The following KCNIP4 variants were observed in gnomAD, a reference collection of about 807,000 sequenced individuals.
The protein encoded by KCNIP4 is Kv channel-interacting protein 4.
Under a neutral mutation model 34.0 loss-of-function variants are expected in KCNIP4, and 12 were observed. That is an observed-to-expected ratio of 0.35 (90% CI 0.23 to 0.57). The LOEUF (loss-of-function observed/expected upper bound fraction) is 0.57. Among genes scored for constraint, KCNIP4 ranks in the 20% least tolerant of loss-of-function variants. KCNIP4 has a pLI of 0.83. For missense variants in KCNIP4, 238 were observed against 311.7 expected, an observed-to-expected ratio of 0.76 and a Z score of 1.78; for synonymous variants, 124 against 102.2, an observed-to-expected ratio of 1.21 and a Z score of -1.29.
chr4:20,878,626 T>A (rs1325309128), intron 2 of KCNIP4, among the ~76,000 whole-genome samples: 1 of 152,214 alleles, frequency 6.6e-6, no homozygotes, highest in Non-Finnish European at 1.5e-5. Context: ...GAGTGTCTAG[T>A]ATCATGCCTG....
At position 21,542,729 on chromosome 4, in the gene KCNIP4, C is replaced by G. The variant is rs1037876961; in HGVS notation, c.61+405842G>C. Among the ~76,000 whole-genome samples, 6 of 150,108 alleles carry G rather than the reference C, an allele frequency of 4.0e-5. No homozygotes were observed. In the East Asian group the frequency reaches 9.7e-4, roughly 24 times the overall value. ...ATATATATAAATATATGGAACACAC[C>G]AAAAGAAACAATCATTAGTACAAGA... On this transcript the variant is annotated intron_variant, in intron 1 of 8. Coordinates refer to ENST00000382152, the MANE Select transcript of KCNIP4 (RefSeq NM_025221.6).
intron 1 of KCNIP4, among the ~76,000 whole-genome samples, chr4:20,955,369 C>A (rs960433041): frequency 1.3e-5 from 2 of 152,154 alleles, no homozygotes; most frequent in African/African-American, 2.4e-5. Flanking sequence ...TTCCTCTTAT[C>A]TAGAAACTAG....
At chr4:21,856,568 G>A (rs569504402) in intron 1 of KCNIP4, among the ~76,000 whole-genome samples, 1 of 152,170 alleles carries the variant, frequency 6.6e-6, no homozygotes, top group Admixed American at 6.5e-5. Flanking sequence ...TGCAGCTGTG[G>A]CACCCAGCTG....
chr4:21,058,801 T>A (rs1204155188), intron 1 of KCNIP4, among the ~76,000 whole-genome samples: 1 of 152,148 alleles, frequency 6.6e-6, no homozygotes, highest in Non-Finnish European at 1.5e-5. Flanking sequence ...GACTCAGCTG[T>A]AGAGAGCTGT....
rs113613645 is a variant in KCNIP4 at position 21,086,968 on chromosome 4, CCT to C, written c.62-204261_62-204260del. Among the ~76,000 whole-genome samples the C allele has an allele frequency of 4.2e-5, 6 of 141,442 alleles. No homozygotes were observed. The East Asian group carries it at 8.0e-4, about 19-fold the overall frequency. 92.8% of individuals were successfully genotyped at this position (141,442 alleles called of 152,430 possible). A position where few individuals can be genotyped will look rare whatever the true frequency, so the allele number is the denominator to read the frequency against. On this transcript the variant is annotated intron_variant, in intron 1 of 8. Transcript: ENST00000382152. ...CTCCCTCCCTCCCTTCCTTTTCCTT[CCT>C]CTCTCTCTCTCTTTCTTTCTTTTTT...
intron 1 of KCNIP4, among the ~76,000 whole-genome samples, chr4:21,707,340 T>C (rs1713359580): frequency 1.3e-5 from 2 of 152,260 alleles, no homozygotes; most frequent in South Asian, 2.1e-4. Flanking sequence ...AATTATGAGC[T>C]TTAAAAAGTA....
At chr4:21,945,684 T>C (rs1028273802) in intron 1 of KCNIP4, among the ~76,000 whole-genome samples, 5 of 152,040 alleles carry the variant, frequency 3.3e-5, no homozygotes, top group Non-Finnish European at 7.4e-5. Flanking sequence ...AATAATTTTG[T>C]AGTTTTTTTT....
chr4:21,617,162 T>C (rs1204263416), intron 1 of KCNIP4, among the ~76,000 whole-genome samples: 1 of 152,192 alleles, frequency 6.6e-6, no homozygotes, highest in African/African-American at 2.4e-5. Context: ...AATTAAAAGG[T>C]TGTGTACTGT....
At chr4:21,117,684 C>A (rs1027360667) in intron 1 of KCNIP4, among the ~76,000 whole-genome samples, 1 of 152,178 alleles carries the variant, frequency 6.6e-6, no homozygotes, top group East Asian at 1.9e-4. Flanking sequence ...AGCTGCAGAG[C>A]GCATCAAACT....
At chr4:21,638,223 A>G (rs142794858) in intron 1 of KCNIP4, among the ~76,000 whole-genome samples, 95 of 152,280 alleles carry the variant, frequency 6.2e-4, no homozygotes, top group African/African-American at 2.0e-3. Flanking sequence ...AAATTTTCCA[A>G]TCAGGGGCAA....
At chr4:21,687,923 T>C (rs940192505) in intron 1 of KCNIP4, among the ~76,000 whole-genome samples, 6 of 152,258 alleles carry the variant, frequency 3.9e-5, no homozygotes, top group African/African-American at 1.4e-4. Context: ...AAGACGTAGT[T>C]TAGATTCTGA....
intron 1 of KCNIP4, among the ~76,000 whole-genome samples, chr4:21,036,436 T>C (rs1741450512): frequency 6.6e-6 from 1 of 152,198 alleles, no homozygotes; most frequent in Non-Finnish European, 1.5e-5. Flanking sequence ...AAACTAGACC[T>C]GAATACCAAC....
intron 1 of KCNIP4, among the ~76,000 whole-genome samples, chr4:21,913,672 C>T (rs1452369935): frequency 1.3e-5 from 2 of 152,140 alleles, no homozygotes; most frequent in Non-Finnish European, 2.9e-5. Flanking sequence ...ACAAAGCCAT[C>T]AGTCTAGTTG....
At chr4:21,721,976 T>C (rs1390665049) in intron 1 of KCNIP4, among the ~76,000 whole-genome samples, 1 of 152,216 alleles carries the variant, frequency 6.6e-6, no homozygotes, top group East Asian at 1.9e-4. Flanking sequence ...GTATGTTCTA[T>C]TTATGTGTAT....
At chr4:21,294,154 G>T (rs959823705) in intron 1 of KCNIP4, among the ~76,000 whole-genome samples, 2 of 152,122 alleles carry the variant, frequency 1.3e-5, no homozygotes, top group Non-Finnish European at 2.9e-5. Flanking sequence ...TGCTCATTAA[G>T]GTGTGTTTGA....
At chr4:21,924,968 A>G (rs1729153055) in intron 1 of KCNIP4, among the ~76,000 whole-genome samples, 1 of 151,716 alleles carries the variant, frequency 6.6e-6, no homozygotes. Flanking sequence ...TCTAGCATGC[A>G]TTTTCCTAAT....
At chr4:21,813,945 C>A (rs769777378) in intron 1 of KCNIP4, among the ~76,000 whole-genome samples, 1 of 152,070 alleles carries the variant, frequency 6.6e-6, no homozygotes, top group Non-Finnish European at 1.5e-5. Context: ...AAATATGATA[C>A]CAAAAGTACC....
At chr4:21,594,095 A>C (rs1326512060) in intron 1 of KCNIP4, among the ~76,000 whole-genome samples, 1 of 152,058 alleles carries the variant, frequency 6.6e-6, no homozygotes, top group Non-Finnish European at 1.5e-5. Context: ...ACCTTGAAAG[A>C]TACAATACCA....
At chr4:20,900,865 A>C (rs775370086) in intron 1 of KCNIP4, among the ~76,000 whole-genome samples, 5 of 152,186 alleles carry the variant, frequency 3.3e-5, no homozygotes, top group Non-Finnish European at 7.3e-5. Flanking sequence ...AGAAAGCAAT[A>C]TTGTGTTCTC....
Sources: gnomAD v4.1 joint callset for allele counts (sites outside exome capture counted in the v4.1 genomes callset) on GRCh38, gnomAD v4.1.1 for gene constraint, MANE v1.5 for transcripts, NCBI Gene and HGNC (gene_info 2026-07-23, HGNC 2026-07-21) for gene names.